TRPS1: variants seen among roughly 807,000 people sequenced by gnomAD.
The protein encoded by TRPS1 is transcriptional repressor GATA binding 1, also known as zinc finger transcription factor Trps1.
TRPS1 carries 6 observed loss-of-function variants against 101.2 expected under a neutral mutation model. The observed-to-expected ratio is 0.06, with a 90% CI of 0.03 to 0.12. The LOEUF (loss-of-function observed/expected upper bound fraction) is 0.12, where lower values mean the gene tolerates loss of function less well. Among genes scored for constraint, TRPS1 ranks in the 10% least tolerant of loss-of-function variants. The pLI, the probability that TRPS1 is intolerant of heterozygous loss-of-function variation, is 1.00. For synonymous variants in TRPS1, 578 were observed against 589.8 expected, an observed-to-expected ratio of 0.98 and a Z score of 0.29; for missense variants, 1,363 against 1,567.0, an observed-to-expected ratio of 0.87 and a Z score of 2.20.
chr8:115,416,592 T>A (rs551778289), intron 6 of TRPS1, among the ~76,000 whole-genome samples: 36 of 149,380 alleles, frequency 2.4e-4, no homozygotes, highest in Admixed American at 7.4e-4. Context: ...AATATAAATT[T>A]AAAAAAACAT....
chr8:115,623,591 G>A lies in TRPS1; in HGVS notation c.37+10C>T. 6.2e-7 allele frequency: 1 copy of A among 1,611,896 alleles called. No homozygotes were observed. Among genetic ancestry groups the A allele is most frequent in the Non-Finnish European group, 8.5e-7 (1 of 1,178,852 alleles). ...GTTAACATTTTCACTTGAAAAAATAGATCACATACTTGTAAAATCATACCC... is the reference window on the plus strand; with the variant it reads ...GTTAACATTTTCACTTGAAAAAATAAATCACATACTTGTAAAATCATACCC... On this transcript the variant is annotated intron_variant, in intron 2 of 6. Transcript: ENST00000395715.
chr8:115,639,892 T>C (rs1264725332), intron 1 of TRPS1, among the ~76,000 whole-genome samples: 2 of 152,166 alleles, frequency 1.3e-5, no homozygotes, highest in African/African-American at 4.8e-5. Context: ...CCTGCCTATG[T>C]CACTTCATGA....
At chr8:115,415,166 A>AATC in intron 6 of TRPS1, 82 bp from the exon 7 acceptor site, 1 of 1,400,970 alleles carries the variant, frequency 7.1e-7, no homozygotes, top group Non-Finnish European at 9.7e-7. Flanking sequence ...ACAAATATAA[A>AATC]CCATGCTTAA....
chr8:115,499,323 G>A (rs1563555012), intron 5 of TRPS1, among the ~76,000 whole-genome samples: 1 of 152,080 alleles, frequency 6.6e-6, no homozygotes, highest in Non-Finnish European at 1.5e-5. Context: ...TCAAAATATT[G>A]TGCTTCTTTA....
chr8:115,517,235 T>C (rs892599007), intron 5 of TRPS1, among the ~76,000 whole-genome samples: 7 of 151,736 alleles, frequency 4.6e-5, no homozygotes, highest in Non-Finnish European at 7.4e-5. Context: ...TTTAGATAGA[T>C]ATCCTAATTA....
intron 4 of TRPS1, among the ~76,000 whole-genome samples, chr8:115,595,635 G>T (rs1451336737): frequency 1.3e-5 from 2 of 151,516 alleles, no homozygotes; most frequent in South Asian, 4.1e-4. Context: ...CCTTTCAAAA[G>T]GTAAACATTC....
At chr8:115,495,653 T>A (rs1815131612) in intron 5 of TRPS1, among the ~76,000 whole-genome samples, 1 of 151,394 alleles carries the variant, frequency 6.6e-6, no homozygotes, top group Non-Finnish European at 1.5e-5. Flanking sequence ...TTAGTTTACC[T>A]TTCTAGGTAC....
At chr8:115,533,161 C>A (rs1816176433) in intron 5 of TRPS1, among the ~76,000 whole-genome samples, 1 of 152,138 alleles carries the variant, frequency 6.6e-6, no homozygotes. Flanking sequence ...TAAATTCTAG[C>A]TTGAGCAAAC....
At chr8:115,422,065 T>C (rs1813076304) in intron 5 of TRPS1, among the ~76,000 whole-genome samples, 1 of 152,224 alleles carries the variant, frequency 6.6e-6, no homozygotes, top group Admixed American at 6.5e-5. Flanking sequence ...TCCTTTGCAG[T>C]AAGCCTATTA....
At chr8:115,520,656 AC>A (rs1815835817) in intron 5 of TRPS1, among the ~76,000 whole-genome samples, 1 of 151,834 alleles carries the variant, frequency 6.6e-6, no homozygotes, top group African/African-American at 2.4e-5. Context: ...TGACAGGCTC[AC>A]AAAAGGATTA....
At chr8:115,636,826 C>A (rs376574578) in intron 1 of TRPS1, among the ~76,000 whole-genome samples, 1 of 151,838 alleles carries the variant, frequency 6.6e-6, no homozygotes, top group Admixed American at 6.6e-5. Flanking sequence ...GCAGGAGAAT[C>A]GCTTGAACCT....
chr8:115,476,512 C>G (rs762317686), intron 5 of TRPS1, among the ~76,000 whole-genome samples: 45 of 152,232 alleles, frequency 3.0e-4, no homozygotes, highest in Non-Finnish European at 1.5e-4. Flanking sequence ...TCCTGAAGTT[C>G]GGCCAACTAA....
chr8:115,498,437 A>C (rs1310133111), intron 5 of TRPS1, among the ~76,000 whole-genome samples: 24 of 135,744 alleles, frequency 1.8e-4, no homozygotes, highest in East Asian at 1.1e-3. Flanking sequence ...ATATATATAT[A>C]TATATATATA....
At chr8:115,434,837 C>G (rs1029036857) in intron 5 of TRPS1, among the ~76,000 whole-genome samples, 1 of 152,124 alleles carries the variant, frequency 6.6e-6, no homozygotes, top group Non-Finnish European at 1.5e-5. Flanking sequence ...AAGGAATAAA[C>G]TTATAACCCA....
intron 4 of TRPS1, among the ~76,000 whole-genome samples, chr8:115,587,846 AC>A (rs1817602496): frequency 6.6e-6 from 1 of 152,182 alleles, no homozygotes; most frequent in Non-Finnish European, 1.5e-5. Context: ...ACACACACAC[AC>A]ACACACACGC....
At chr8:115,420,048 T>C (rs1813014518) in intron 5 of TRPS1, among the ~76,000 whole-genome samples, 1 of 152,218 alleles carries the variant, frequency 6.6e-6, no homozygotes, top group Non-Finnish European at 1.5e-5. Context: ...CAATTGCCCT[T>C]TTAAACCAAG....
chr8:115,633,906 G>A (rs996929940), intron 1 of TRPS1, among the ~76,000 whole-genome samples: 1 of 152,018 alleles, frequency 6.6e-6, no homozygotes, highest in East Asian at 1.9e-4. Context: ...AAGTTAATAG[G>A]TACAATGCCA....
rs576428300 is a variant in TRPS1 at position 115,619,817 on chromosome 8, C to T, written c.281G>A (p.Ser94Asn). The T allele has an allele frequency of 1.9e-6, 3 of 1,614,198 alleles. No homozygotes were observed. In the East Asian group the frequency reaches 6.7e-5, roughly 36 times the overall value. ...TTCATAATTGAAGCCAGCCTTCTCA[C>T]TCAGAACTGCGCTTTTCAAGTCCTT... is the stretch of plus-strand genomic sequence containing the variant. ...SKKDLKSAVL[S>N]EKAGFNYESP... Residue 94 changes from serine to asparagine, a missense_variant, in exon 3 of 7, where the codon AGT (serine) becomes AAT (asparagine). This residue lies in a region of TRPS1 where 1,020 missense variants were observed against 1,073.0 expected (regional missense o/e 0.95). Transcript: ENST00000395715.
chr8:115,659,992 G>A (rs921903947), intron 1 of TRPS1, among the ~76,000 whole-genome samples: 7 of 151,972 alleles, frequency 4.6e-5, no homozygotes, highest in African/African-American at 4.8e-5. Flanking sequence ...GTACATGTAC[G>A]CACTTATTTA....
Sources: gnomAD v4.1 joint callset for allele counts (sites outside exome capture counted in the v4.1 genomes callset) on GRCh38, gnomAD v4.1.1 for gene constraint, gnomAD v4.1.1 regional missense constraint, MANE v1.5 for transcripts, NCBI Gene and HGNC (gene_info 2026-07-23, HGNC 2026-07-21) for gene names.